CLEC18B: variants seen among roughly 807,000 people sequenced by gnomAD.
CLEC18B encodes mannose receptor-like 2.
CLEC18B carries 5 observed loss-of-function variants against 60.4 expected under a neutral mutation model. The observed-to-expected ratio is 0.08, with a 90% confidence interval of 0.04 to 0.17. The LOEUF is 0.17. Ranked by LOEUF, CLEC18B falls within the 10% of genes least tolerant of loss-of-function variation. The probability of loss-of-function intolerance (pLI) is 1.00; values close to 1 mark genes in which losing one functional copy is unlikely to be tolerated. For missense variants in CLEC18B, 26 were observed against 572.8 expected (o/e 0.05, Z 9.74); for synonymous variants, 16 against 221.2 (o/e 0.07, Z 8.23).
At chr16:74,420,895 C>T (rs1169183384) in intron 1 of CLEC18B, among the ~76,000 whole-genome samples, 1 of 121,838 alleles carries the variant, frequency 8.2e-6, no homozygotes, top group African/African-American at 3.1e-5. Context: ...TTCTCCAGGC[C>T]CCAGCCACAG....
Position 74,420,962 on chromosome 16 carries a change from C to T in CLEC18B, c.124+185G>A. 4.3e-5 allele frequency among the ~76,000 whole-genome samples: 4 copies of T among 92,134 alleles called. 2 individuals are homozygous for T. The highest frequency in any genetic ancestry group is 9.8e-5 in the Non-Finnish European group (4 of 40,818). The allele number at this position is 92,134 out of a possible 152,430, so 60.4% of individuals were successfully genotyped here. A position where few individuals can be genotyped will look rare whatever the true frequency, so the allele number is the denominator to read the frequency against. On this transcript the variant is annotated intron_variant, in intron 1 of 11. Transcript: ENST00000682950. ...CTGGTCCTCCTTCCTCCTCCTTCCT[C>T]CTCCTTCCTCCCCAGTCCAGCATCC...
chr16:74,411,147 A>G, intron 8 of CLEC18B, 113 bp from the exon 9 acceptor site: 1 of 1,360,224 alleles, frequency 7.4e-7, no homozygotes, highest in Non-Finnish European at 1.0e-6. Flanking sequence ...CCGGGCTATC[A>G]TCACCCCCAG....
upstream of CLEC18B, among the ~76,000 whole-genome samples, chr16:74,423,310 C>T (rs4419083): frequency 0.033 from 3,753 of 113,340 alleles, no homozygotes; most frequent in East Asian, 0.15. Context: ...TGATGCCAGG[C>T]ACTTGGGACA....
chr16:74,422,838 A>T (rs1219065190), upstream of CLEC18B, among the ~76,000 whole-genome samples: 3 of 151,614 alleles, frequency 2.0e-5, no homozygotes, highest in Admixed American at 6.6e-5. Flanking sequence ...AATTATTATT[A>T]TTTTTTTTGG....
intron 4 of CLEC18B, 50 bp from the exon 5 acceptor site, chr16:74,413,208 C>A: frequency 1.2e-6 from 2 of 1,611,672 alleles, no homozygotes; most frequent in South Asian, 2.2e-5. Flanking sequence ...TGGCCTTGGG[C>A]AAGGCAGTGG....
intron 3 of CLEC18B, among the ~76,000 whole-genome samples, chr16:74,417,388 A>G: frequency 9.5e-6 from 1 of 104,906 alleles, no homozygotes. Flanking sequence ...TGAGGCAGGC[A>G]GATCATTTGA....
intron 1 of CLEC18B, 72 bp downstream of exon 1, chr16:74,421,074 GA>G: frequency 6.7e-7 from 1 of 1,492,858 alleles, no homozygotes; most frequent in Non-Finnish European, 8.9e-7. Context: ...CGGGCTTCCA[GA>G]AGTCTCCTAG....
chr16:74,414,419 T>C (rs12448258), intron 3 of CLEC18B, among the ~76,000 whole-genome samples: 2 of 150,320 alleles, frequency 1.3e-5, no homozygotes, highest in Non-Finnish European at 1.5e-5. Flanking sequence ...GCTCTGTAAC[T>C]GGTTTGGCCA....
At chr16:74,413,881 T>C (rs528432600) in intron 3 of CLEC18B, among the ~76,000 whole-genome samples, 75 of 152,182 alleles carry the variant, frequency 4.9e-4, no homozygotes, top group African/African-American at 1.8e-3. Context: ...TATTTATTTA[T>C]TTATTTTTGA....
At chr16:74,415,929 C>CA (rs2013395989) in intron 3 of CLEC18B, among the ~76,000 whole-genome samples, 1 of 151,756 alleles carries the variant, frequency 6.6e-6, no homozygotes, top group Admixed American at 6.6e-5. Context: ...AACAACAAAA[C>CA]AGAGTTAGGT....
intron 2 of CLEC18B, among the ~76,000 whole-genome samples, chr16:74,419,968 A>G (rs1298779451): frequency 1.3e-5 from 2 of 152,382 alleles, no homozygotes; most frequent in South Asian, 2.1e-4. Context: ...GGGGAACTCT[A>G]TACCCCCGAC....
Position 74,421,005 on chromosome 16 carries a change from G to A in CLEC18B, c.124+142C>T, listed in dbSNP as rs372991288. On this transcript the variant is annotated intron_variant, in intron 1 of 11. Coordinates refer to ENST00000682950, the MANE Select transcript of CLEC18B (RefSeq NM_001385193.1). ...CAGCATCCACCCCTCACCGCCCCCG[G>A]GCTGTCCCAGGGCTTCCTCATTAAA... 2.2e-3 allele frequency: 2,659 copies of A among 1,233,222 alleles called. 93 individuals carry two copies. The East Asian group carries it at 0.093, about 43-fold the overall frequency. 76.4% of individuals were successfully genotyped at this position (1,233,222 alleles called of 1,614,324 possible).
chr16:74,413,849 C>CTTTTTTTTTTATTTATTTATTTAT, intron 3 of CLEC18B, among the ~76,000 whole-genome samples, 173 bp from the exon 4 acceptor site: 1 of 149,352 alleles, frequency 6.7e-6, no homozygotes, highest in South Asian at 2.1e-4. Context: ...TTCAGGAAGG[C>CTTTTTTTTTTATTTATTTATTTAT]TTATTTATTT....
intron 2 of CLEC18B, among the ~76,000 whole-genome samples, chr16:74,418,682 C>T (rs1259821929): frequency 2.0e-5 from 3 of 152,200 alleles, no homozygotes; most frequent in East Asian, 1.9e-4. Flanking sequence ...GGCCATGCTG[C>T]CCTCCTGTGA....
At chr16:74,414,256 G>A (rs1464971322) in intron 3 of CLEC18B, among the ~76,000 whole-genome samples, 3 of 152,392 alleles carry the variant, frequency 2.0e-5, no homozygotes, top group Non-Finnish European at 4.4e-5. Context: ...GTGGAGGGGA[G>A]TAGCCAAAAA....
intron 2 of CLEC18B, among the ~76,000 whole-genome samples, chr16:74,420,089 T>A (rs2013610832): frequency 6.6e-6 from 1 of 152,208 alleles, no homozygotes; most frequent in Non-Finnish European, 1.5e-5. Flanking sequence ...GCTGGGTCCT[T>A]GCCGCACAGA....
At chr16:74,419,946 A>T (rs2013602780) in intron 2 of CLEC18B, among the ~76,000 whole-genome samples, 1 of 152,206 alleles carries the variant, frequency 6.6e-6, no homozygotes, top group Non-Finnish European at 1.5e-5. Context: ...CCGCAGCCCC[A>T]GCCGGGCTGG....
At position 74,421,422 on chromosome 16, in the gene CLEC18B, G is replaced by A. The variant is rs2013684135; in HGVS notation, c.-152C>T. 6 of 1,556,218 alleles carry A rather than the reference G, an allele frequency of 3.9e-6. No individual in the cohort carries two copies. Among genetic ancestry groups the A allele is most frequent in the Non-Finnish European group, 3.5e-6 (4 of 1,152,046 alleles). On this transcript the variant is annotated 5_prime_UTR_variant, in exon 1 of 12. Transcript: ENST00000682950. ...GCTGGTGAACAAAAGAAGGAGGCTG[G>A]TGAGTGAGTAATCAGTGTGTCCAGA...
intron 3 of CLEC18B, among the ~76,000 whole-genome samples, 177 bp from the exon 4 acceptor site, chr16:74,413,853 TTTATTTA>T (rs2013303003): frequency 5.6e-5 from 1 of 17,972 alleles, no homozygotes; most frequent in African/African-American, 1.7e-4. Context: ...GGAAGGCTTA[TTTATTTA>T]TTTATTTATT....
Sources: allele counts gnomAD v4.1 joint callset (sites outside exome capture counted in the v4.1 genomes callset), GRCh38; gene constraint gnomAD v4.1.1; transcripts MANE v1.5; gene names NCBI Gene and HGNC (gene_info 2026-07-23, HGNC 2026-07-21).